Variants in CALN1 observed in about 807,000 individuals in gnomAD.
CALN1 encodes calneuron 1.
CALN1 carries 17 observed loss-of-function variants against 30.6 expected under a neutral mutation model. That is an observed-to-expected ratio of 0.56 (90% CI 0.38 to 0.83). The LOEUF (loss-of-function observed/expected upper bound fraction) is 0.83. Among genes scored for constraint, CALN1 ranks in the 40% least tolerant of loss-of-function variants. The pLI, the probability that CALN1 is intolerant of heterozygous loss-of-function variation, is 0.00. For missense variants in CALN1, 291 were observed against 354.9 expected, an observed-to-expected ratio of 0.82 and a Z score of 1.45; for synonymous variants, 156 against 131.4, an observed-to-expected ratio of 1.19 and a Z score of -1.28.
intron 3 of CALN1, among the ~76,000 whole-genome samples, chr7:72,277,972 A>G (rs1363278688): frequency 6.9e-6 from 1 of 144,460 alleles, no homozygotes; most frequent in Non-Finnish European, 1.5e-5. Flanking sequence ...GTACCTAGGT[A>G]AAAACATCAG....
chr7:72,227,868 G>T (rs554398993), intron 3 of CALN1, among the ~76,000 whole-genome samples: 1 of 149,810 alleles, frequency 6.7e-6, no homozygotes, highest in South Asian at 2.1e-4. Context: ...CCAGGAGAGC[G>T]TTCCCCAAGC....
At chr7:71,793,077 G>C (rs60450821) in intron 6 of CALN1, among the ~76,000 whole-genome samples, 2 of 152,038 alleles carry the variant, frequency 1.3e-5, no homozygotes, top group African/African-American at 4.8e-5. Flanking sequence ...GGCTGAGGTG[G>C]GTGGATCACC....
intron 2 of CALN1, among the ~76,000 whole-genome samples, chr7:72,364,565 G>GCA (rs1290143473): frequency 6.6e-6 from 1 of 152,050 alleles, no homozygotes; most frequent in African/African-American, 2.4e-5. Flanking sequence ...AAAGTGCCTG[G>GCA]CAAAGTATTT....
At chr7:72,327,265 G>C (rs2944826) in intron 2 of CALN1, among the ~76,000 whole-genome samples, 1 of 152,044 alleles carries the variant, frequency 6.6e-6, no homozygotes, top group African/African-American at 2.4e-5. Flanking sequence ...AGGCTGAGGC[G>C]GGAGAATCAC....
At chr7:72,420,415 T>G (rs566721450) in intron 1 of CALN1, among the ~76,000 whole-genome samples, 33 of 151,782 alleles carry the variant, frequency 2.2e-4, no homozygotes, top group African/African-American at 7.7e-4. Context: ...GCTGGGAGGC[T>G]TCACTCACTT....
chr7:71,993,415 A>C (rs1359593032), intron 5 of CALN1, among the ~76,000 whole-genome samples: 1 of 150,298 alleles, frequency 6.7e-6, no homozygotes, highest in East Asian at 2.0e-4. Context: ...GCAGTGAGCT[A>C]TGATTGCACC....
At chr7:72,143,819 T>G (rs1810142810) in intron 3 of CALN1, among the ~76,000 whole-genome samples, 1 of 152,164 alleles carries the variant, frequency 6.6e-6, no homozygotes, top group Non-Finnish European at 1.5e-5. Context: ...GGGACCAATA[T>G]TCAACATTCT....
At chr7:71,910,293 A>G (rs1794360601) in intron 5 of CALN1, among the ~76,000 whole-genome samples, 1 of 152,182 alleles carries the variant, frequency 6.6e-6, no homozygotes. Flanking sequence ...GCAGCTCTTA[A>G]AGGCTTCCAT....
At chr7:72,186,685 G>T (rs1240085461) in intron 3 of CALN1, among the ~76,000 whole-genome samples, 2 of 152,046 alleles carry the variant, frequency 1.3e-5, no homozygotes, top group Non-Finnish European at 2.9e-5. Context: ...TTCTGTTTCT[G>T]TGTTACTTAG....
intron 2 of CALN1, among the ~76,000 whole-genome samples, chr7:72,323,516 A>C (rs562638089): frequency 9.9e-5 from 15 of 152,154 alleles, no homozygotes; most frequent in Middle Eastern, 6.8e-3. Flanking sequence ...TTTAAAAATC[A>C]GCTGGGCATG....
At chr7:72,271,758 G>C (rs1205838186) in intron 3 of CALN1, among the ~76,000 whole-genome samples, 1 of 150,914 alleles carries the variant, frequency 6.6e-6, no homozygotes, top group African/African-American at 2.4e-5. Flanking sequence ...AGAAAGTCCT[G>C]AATAAACATT....
In CALN1 at chr7:72,403,320, T is replaced by A; in HGVS notation, c.50A>T (p.Lys17Met). The change falls in exon 2 of 7, where the codon AAG (lysine) becomes ATG (methionine). Residue 17 changes from lysine (K) to methionine (M), a missense_variant. Around this residue, in one of 2 missense-constraint regions of CALN1, gnomAD observed 122 missense variants for 103.2 expected, o/e 1.18. Transcript: ENST00000395275. ...CCCTCCGAGGGCTCCTCCGTCCCCC[T>A]TTTTCTCATTCTCGGGCTTCCCCTC... ...PGEGKPENEKKGDGGALGGGE... is the reference protein window; with the variant it reads ...PGEGKPENEKMGDGGALGGGE... The A allele has an allele frequency of 1.3e-6, 2 of 1,548,380 alleles. No homozygotes were observed. The highest frequency in any genetic ancestry group is 1.7e-6 in the Non-Finnish European group (2 of 1,146,420).
At chr7:72,230,240 G>A (rs1377299066) in intron 3 of CALN1, among the ~76,000 whole-genome samples, 29 of 151,226 alleles carry the variant, frequency 1.9e-4, no homozygotes, top group Admixed American at 1.7e-3. Flanking sequence ...AAACCTGCAC[G>A]TTCTGCACAT....
intron 5 of CALN1, among the ~76,000 whole-genome samples, chr7:71,962,808 G>T (rs1472285574): frequency 6.6e-6 from 1 of 152,122 alleles, no homozygotes; most frequent in Non-Finnish European, 1.5e-5. Flanking sequence ...TGCCTGATCT[G>T]TCAGGAATTG....
In CALN1 at chr7:72,223,757, A is replaced by G. The variant is rs560710902; in HGVS notation, c.244+54929T>C. ...AAGACATGAAATCCAGACAGATGAAATCAACAGTGGATTGGGTAAAGAAAA... is the reference window on the plus strand; with the variant it reads ...AAGACATGAAATCCAGACAGATGAAGTCAACAGTGGATTGGGTAAAGAAAA... On this transcript the variant is annotated intron_variant, in intron 3 of 6. Transcript: ENST00000395275. Among the ~76,000 whole-genome samples the G allele has an allele frequency of 4.6e-5, 7 of 152,224 alleles. No individual in the cohort carries two copies. In the South Asian group the frequency reaches 1.2e-3, roughly 27 times the overall value.
chr7:71,892,685 G>A (rs922068502), intron 5 of CALN1, among the ~76,000 whole-genome samples: 3 of 152,156 alleles, frequency 2.0e-5, no homozygotes, highest in Non-Finnish European at 4.4e-5. Flanking sequence ...TTTCTTGTGT[G>A]ACTTTCAATT....
At chr7:72,175,832 G>A (rs1043574647) in intron 3 of CALN1, among the ~76,000 whole-genome samples, 1 of 152,060 alleles carries the variant, frequency 6.6e-6, no homozygotes, top group Non-Finnish European at 1.5e-5. Flanking sequence ...AAACAGCTCA[G>A]GCACAGAGGA....
At chr7:72,399,880 G>A (rs569186534) in intron 2 of CALN1, among the ~76,000 whole-genome samples, 1 of 152,244 alleles carries the variant, frequency 6.6e-6, no homozygotes, top group African/African-American at 2.4e-5. Context: ...CTGTGATAAT[G>A]AGTGAGTTCT....
At chr7:72,179,117 G>A (rs147266578) in intron 3 of CALN1, among the ~76,000 whole-genome samples, 4 of 152,200 alleles carry the variant, frequency 2.6e-5, no homozygotes, top group Non-Finnish European at 5.9e-5. Flanking sequence ...ACACTAATTG[G>A]GTGAAAAGTT....
Sources: gnomAD v4.1 joint callset for allele counts (sites outside exome capture counted in the v4.1 genomes callset) on GRCh38, gnomAD v4.1.1 for gene constraint, gnomAD v4.1.1 regional missense constraint, MANE v1.5 for transcripts, NCBI Gene and HGNC (gene_info 2026-07-23, HGNC 2026-07-21) for gene names.